Variants in FAAH2 observed in about 807,000 individuals in gnomAD.
FAAH2 encodes fatty-acid amide hydrolase 2.
FAAH2 carries 60 observed loss-of-function variants against 36.9 expected under a neutral mutation model. That is an observed-to-expected ratio of 1.63 (90% CI 1.32 to 2.02). The LOEUF (loss-of-function observed/expected upper bound fraction) is 2.02, where lower values mean the gene tolerates loss of function less well. Ranked by LOEUF, FAAH2 falls within the 30% of genes most tolerant of loss-of-function variation. FAAH2 has a pLI of 0.00. For missense variants in FAAH2, 689 were observed against 397.5 expected (o/e 1.73, Z -6.23); for synonymous variants, 214 against 143.8 (o/e 1.49, Z -3.49).
chrX:57,329,085 A>G (rs1261960450), intron 3 of FAAH2, among the ~76,000 whole-genome samples: 1 of 111,883 alleles, frequency 8.9e-6, no homozygotes, highest in Non-Finnish European at 1.9e-5. Context: ...CTCCCACTGC[A>G]GTATGTATGG....
At chrX:57,301,891 T>A (rs997835146) in intron 2 of FAAH2, among the ~76,000 whole-genome samples, 4 of 111,954 alleles carry the variant, frequency 3.6e-5, no homozygotes, top group Non-Finnish European at 7.5e-5. Context: ...TTAATATACA[T>A]GTGTTTAGAC....
Position 57,328,786 on chromosome X carries a change from T to A in FAAH2, c.413-2812T>A, listed in dbSNP as rs973824072. ...CGATTTGATTATGGTATAAGGTAGG[T>A]TCATTTGACTGGCTTCATTTCTGGA... On this transcript the variant is annotated intron_variant, in intron 3 of 10. Transcript: ENST00000374900. 3.6e-5 allele frequency among the ~76,000 whole-genome samples: 4 copies of A among 111,766 alleles called. No homozygotes were observed. In the East Asian group the frequency reaches 1.1e-3, roughly 31 times the overall value.
At chrX:57,473,604 TC>T (rs2057209200) in intron 10 of FAAH2, among the ~76,000 whole-genome samples, 6 of 111,660 alleles carry the variant, frequency 5.4e-5, no homozygotes, top group Non-Finnish European at 9.4e-5. Context: ...TCTAGTGATA[TC>T]AGTGGGGTGT....
intron 5 of FAAH2, among the ~76,000 whole-genome samples, chrX:57,373,706 A>G (rs1244884273): frequency 9.0e-6 from 1 of 111,605 alleles, no homozygotes; most frequent in Non-Finnish European, 1.9e-5. Context: ...TTTGCCATGC[A>G]AAAGCTCTTT....
At chrX:57,128,277 A>T in the FAAH2 span, among the ~76,000 whole-genome samples, 547 of 111,912 alleles carry the variant, frequency 4.9e-3, 2 homozygotes, top group Non-Finnish European at 8.6e-3. Context: ...TTAAGAATAT[A>T]TATGTGCTTT....
At chrX:57,287,055 C>A (rs763478046) in intron 1 of FAAH2, 38 bp downstream of exon 1, 1 of 1,102,219 alleles carries the variant, frequency 9.1e-7, no homozygotes, top group Non-Finnish European at 1.2e-6. Context: ...AGGGACAGGT[C>A]TTTTAGCAGG....
At chrX:57,381,073 G>C (rs1179010848) in intron 7 of FAAH2, 44 bp downstream of exon 7, 19 of 979,729 alleles carry the variant, frequency 1.9e-5, no homozygotes, top group Non-Finnish European at 2.1e-5. Context: ...TTTAGTCAAA[G>C]AGATATCCTT....
chrX:57,233,545 G>T, the FAAH2 span, among the ~76,000 whole-genome samples: 2 of 112,019 alleles, frequency 1.8e-5, no homozygotes, highest in African/African-American at 6.5e-5. Flanking sequence ...TTTAGAACAA[G>T]GTGAGGGGGG....
chrX:57,279,080 T>C, the FAAH2 span, among the ~76,000 whole-genome samples: 1 of 112,425 alleles, frequency 8.9e-6, no homozygotes, highest in Non-Finnish European at 1.9e-5. Flanking sequence ...AATTGCCATT[T>C]GTCCCAGCAA....
At position 57,341,396 on chromosome X, in the gene FAAH2, G is replaced by T. The variant is rs530184486; in HGVS notation, c.742+6G>T. The T allele has an allele frequency of 2.4e-4, 292 of 1,204,238 alleles. 1 individual carries two copies. The South Asian group carries it at 5.0e-3, about 21-fold the overall frequency. On this transcript the variant is annotated splice_donor_region_variant and intron_variant, in intron 5 of 10. Coordinates refer to ENST00000374900, the MANE Select transcript of FAAH2 (RefSeq NM_174912.4). ...TGGACACAAGCCTTCTCCAGGTAAT[G>T]TTAATATGATCAGAAGGGTGGTTCT...
chrX:57,151,340 A>G, the FAAH2 span, among the ~76,000 whole-genome samples: 3 of 112,002 alleles, frequency 2.7e-5, no homozygotes, highest in African/African-American at 9.7e-5. Flanking sequence ...CTCCTGGATA[A>G]TATCCTGCAG....
intron 7 of FAAH2, among the ~76,000 whole-genome samples, chrX:57,386,582 T>C (rs1307808553): frequency 8.9e-6 from 1 of 111,792 alleles, no homozygotes; most frequent in East Asian, 2.8e-4. Flanking sequence ...TTACCTCCCT[T>C]CCTGTTCTGT....
At chrX:57,469,277 C>A (rs931119837) in intron 10 of FAAH2, among the ~76,000 whole-genome samples, 2 of 111,663 alleles carry the variant, frequency 1.8e-5, no homozygotes, top group Non-Finnish European at 3.8e-5. Flanking sequence ...ATGGGCTAAA[C>A]GCTCCTATTA....
At chrX:57,241,651 G>A in the FAAH2 span, among the ~76,000 whole-genome samples, 1 of 111,597 alleles carries the variant, frequency 9.0e-6, no homozygotes, top group East Asian at 2.8e-4. Flanking sequence ...CACTAAAGCA[G>A]TATACACTGT....
chrX:57,445,555 G>A (rs1200723867), intron 8 of FAAH2, among the ~76,000 whole-genome samples: 2 of 111,680 alleles, frequency 1.8e-5, no homozygotes, highest in African/African-American at 3.3e-5. Flanking sequence ...AATCCTCCTG[G>A]TACTGGGTTC....
chrX:57,262,710 C>T, the FAAH2 span, among the ~76,000 whole-genome samples: 2 of 111,406 alleles, frequency 1.8e-5, no homozygotes, highest in Non-Finnish European at 3.8e-5. Flanking sequence ...TTTAAAACTT[C>T]TAACACAATA....
the FAAH2 span, among the ~76,000 whole-genome samples, chrX:57,260,084 T>A: frequency 2.7e-5 from 3 of 111,727 alleles, no homozygotes; most frequent in East Asian, 8.4e-4. Flanking sequence ...CATTGATATG[T>A]TTAAGGATTT....
chrX:57,175,800 A>G, the FAAH2 span, among the ~76,000 whole-genome samples: 1 of 111,622 alleles, frequency 9.0e-6, no homozygotes, highest in Non-Finnish European at 1.9e-5. Flanking sequence ...GCTTGTCTGA[A>G]AAATACTTTA....
the FAAH2 span, chrX:57,135,650 T>C: frequency 7.8e-6 from 8 of 1,029,293 alleles, no homozygotes; most frequent in African/African-American, 1.9e-5. Context: ...AGACAGCATG[T>C]CATGTATTCA....
Sources: allele counts gnomAD v4.1 joint callset (sites outside exome capture counted in the v4.1 genomes callset), GRCh38; gene constraint gnomAD v4.1.1; transcripts MANE v1.5; gene names NCBI Gene and HGNC (gene_info 2026-07-23, HGNC 2026-07-21).